Variants in EML5 observed in about 807,000 individuals in gnomAD.
The protein encoded by EML5 is EMAP like 5.
EML5 carries 120 observed loss-of-function variants against 250.0 expected under a neutral mutation model. The observed-to-expected ratio is 0.48, with a 90% CI of 0.41 to 0.56. The LOEUF is 0.56. Among genes scored for constraint, EML5 ranks in the 20% least tolerant of loss-of-function variants. The pLI is 0.00. For synonymous variants in EML5, 771 were observed against 806.5 expected, an observed-to-expected ratio of 0.96 and a Z score of 0.75; for missense variants, 2,006 against 2,437.6, an observed-to-expected ratio of 0.82 and a Z score of 3.73.
intron 24 of EML5, 104 bp downstream of exon 24, chr14:88,662,927 T>C (rs1364869553): frequency 5.2e-6 from 4 of 772,630 alleles, no homozygotes; most frequent in East Asian, 3.0e-5. Context: ...TTTTAATAAT[T>C]TGAGAACAGA....
rs150594054 is a variant in EML5, at chr14:88,657,570, A to G, written c.3878-68T>C. The G allele has an allele frequency of 7.1e-4, 991 of 1,404,838 alleles. 7 individuals are homozygous for G. The African/African-American group carries it at 0.013, about 18-fold the overall frequency. The allele number at this position is 1,404,838 out of a possible 1,614,324, so 87.0% of individuals were successfully genotyped here. ...GATCAATTATGATCTTATAAATTGG[A>G]TACAAAGATGTTCAACAATATGAAA... On this transcript the variant is annotated intron_variant, in intron 26 of 43. Coordinates refer to ENST00000554922, the MANE Select transcript of EML5 (RefSeq NM_183387.3).
intron 13 of EML5, among the ~76,000 whole-genome samples, chr14:88,703,515 C>T (rs986264184): frequency 6.6e-6 from 1 of 152,168 alleles, no homozygotes; most frequent in African/African-American, 2.4e-5. Flanking sequence ...TTTATAGCAA[C>T]CTTGGTTTGC....
chr14:88,662,336 C>CTTTTTTT (rs1244105674), intron 24 of EML5, among the ~76,000 whole-genome samples: 1 of 32,584 alleles, frequency 3.1e-5, no homozygotes, highest in African/African-American at 1.4e-4. Flanking sequence ...CACAATTTTT[C>CTTTTTTT]TTGTTTTTTT....
chr14:88,696,649 C>T (rs2093086627), intron 15 of EML5, among the ~76,000 whole-genome samples, 198 bp downstream of exon 15: 1 of 152,094 alleles, frequency 6.6e-6, no homozygotes, highest in African/African-American at 2.4e-5. Flanking sequence ...TAAAACTATA[C>T]TCATTAAGTT....
At chr14:88,635,332 C>G (rs1005479603) in intron 32 of EML5, among the ~76,000 whole-genome samples, 2 of 152,250 alleles carry the variant, frequency 1.3e-5, no homozygotes, top group Middle Eastern at 6.8e-3. Context: ...GCTGAGCAGA[C>G]CACATAGGAA....
intron 21 of EML5, among the ~76,000 whole-genome samples, chr14:88,674,648 A>T (rs1399257974): frequency 6.6e-6 from 1 of 152,134 alleles, no homozygotes; most frequent in Non-Finnish European, 1.5e-5. Context: ...CCCAAATTTC[A>T]TGTCCTCACA....
intron 1 of EML5, among the ~76,000 whole-genome samples, chr14:88,781,868 T>G (rs891353043): frequency 5.9e-5 from 9 of 152,164 alleles, no homozygotes; most frequent in African/African-American, 2.2e-4. Context: ...AATTACCCAG[T>G]CTTGATTATG....
rs1237420200 is a variant in EML5 at position 88,687,331 on chromosome 14, T to C, written c.2743-4A>G. The stretch of plus-strand genomic sequence containing the variant: ...CTTTTCCTCCAGTTACAAACCCCTA[T>C]GGAAAAAAAAAGGTTCAAGTTAATA... On this transcript the variant is annotated splice_region_variant and splice_polypyrimidine_tract_variant and intron_variant, in intron 18 of 43. Coordinates refer to ENST00000554922, the MANE Select transcript of EML5 (RefSeq NM_183387.3). 4 of 1,569,160 alleles carry C rather than the reference T, an allele frequency of 2.5e-6. No homozygotes were observed. The highest frequency in any genetic ancestry group is 3.4e-6 in the Non-Finnish European group (4 of 1,162,732).
At chr14:88,640,458 A>G (rs555212932) in intron 31 of EML5, among the ~76,000 whole-genome samples, 1 of 152,328 alleles carries the variant, frequency 6.6e-6, no homozygotes, top group African/African-American at 2.4e-5. Flanking sequence ...ACTTTTGGGT[A>G]AACAATGAAA....
At chr14:88,618,452 C>A in intron 40 of EML5, 121 bp from the exon 41 acceptor site, 1 of 1,093,718 alleles carries the variant, frequency 9.1e-7, no homozygotes, top group Non-Finnish European at 1.3e-6. Context: ...ATTAAGTATG[C>A]AAAAGATCAC....
At chr14:88,704,808 G>A in intron 13 of EML5, 52 bp downstream of exon 13, 1 of 1,360,968 alleles carries the variant, frequency 7.3e-7, no homozygotes, top group South Asian at 1.2e-5. Context: ...TGTTAAGCTA[G>A]TAAGTGTGAA....
intron 8 of EML5, among the ~76,000 whole-genome samples, chr14:88,721,581 T>C (rs1298359650): frequency 1.3e-5 from 2 of 152,274 alleles, no homozygotes; most frequent in Admixed American, 1.3e-4. Context: ...AAACTGAAAC[T>C]GGACCCCTTC....
intron 28 of EML5, 85 bp downstream of exon 28, chr14:88,649,827 A>AG: frequency 2.1e-5 from 23 of 1,107,826 alleles, no homozygotes; most frequent in Non-Finnish European, 2.7e-5. Flanking sequence ...AATGTTTTAT[A>AG]GGGAAAAAAT....
intron 8 of EML5, among the ~76,000 whole-genome samples, chr14:88,716,833 A>G (rs958997814): frequency 1.3e-5 from 2 of 152,134 alleles, no homozygotes; most frequent in African/African-American, 4.8e-5. Context: ...CTCCGTCAAT[A>G]TTGTGAATTA....
intron 41 of EML5, chr14:88,617,150 CTTT>C (rs1358683137): frequency 1.2e-4 from 23 of 184,998 alleles, no homozygotes; most frequent in South Asian, 6.0e-4. Flanking sequence ...ACTATTTTTT[CTTT>C]TTTTTTTTTT....
In EML5 at chr14:88,715,163, C is replaced by T. The variant is rs777899033; in HGVS notation, c.1220G>A (p.Arg407Lys). ...TTTTAACTCATGAATTGCCTCCTTC[C>T]TATCTTTAATATGTACAACTTCCGT... Reference protein sequence around the residue: ...DMTEVVHIKDRKEAIHELKYS... With the variant: ...DMTEVVHIKDKKEAIHELKYS... Residue 407 changes from arginine (R) to lysine (K), a missense_variant, in exon 9 of 44, where the codon AGG (arginine) becomes AAG (lysine). This residue lies in a region of EML5 where 1,375 missense variants were observed against 1,590.3 expected (regional missense o/e 0.86). Coordinates refer to ENST00000554922, the MANE Select transcript of EML5 (RefSeq NM_183387.3). The T allele has an allele frequency of 1.4e-5, 23 of 1,603,914 alleles. No individual in the cohort carries two copies. In the East Asian group the frequency reaches 3.6e-4, roughly 25 times the overall value.
intron 23 of EML5, among the ~76,000 whole-genome samples, chr14:88,664,119 C>A (rs1054451684): frequency 6.6e-6 from 1 of 150,894 alleles, no homozygotes; most frequent in African/African-American, 2.4e-5. Flanking sequence ...CTGTACAAAA[C>A]ATTTAAAAAT....
At chr14:88,638,719 A>C in intron 32 of EML5, 90 bp downstream of exon 32, 1 of 1,079,392 alleles carries the variant, frequency 9.3e-7, no homozygotes, top group South Asian at 1.5e-5. Flanking sequence ...TCGATAAATC[A>C]ATAAAATTTT....
chr14:88,725,545 G>T (rs2093653993), intron 8 of EML5, among the ~76,000 whole-genome samples: 1 of 152,102 alleles, frequency 6.6e-6, no homozygotes, highest in African/African-American at 2.4e-5. Context: ...AAGAAACTGG[G>T]GTACTGAGAA....
Sources: allele counts gnomAD v4.1 joint callset (sites outside exome capture counted in the v4.1 genomes callset), GRCh38; gene constraint gnomAD v4.1.1; regional missense constraint gnomAD v4.1.1; transcripts MANE v1.5; gene names NCBI Gene and HGNC (gene_info 2026-07-23, HGNC 2026-07-21).